The following SKAP1 variants were observed in gnomAD, a reference collection of about 807,000 sequenced individuals.
SKAP1 encodes src kinase-associated phosphoprotein 1.
In SKAP1, 44 loss-of-function variants were observed where a neutral mutation model predicts 58.5. The observed-to-expected ratio is 0.75, with a 90% confidence interval of 0.59 to 0.97. The LOEUF (loss-of-function observed/expected upper bound fraction) is 0.97. Among genes scored for constraint, SKAP1 ranks in the 50% least tolerant of loss-of-function variants. The pLI, the probability that SKAP1 is intolerant of heterozygous loss-of-function variation, is 0.00. For synonymous variants in SKAP1, 127 were observed against 149.7 expected (o/e 0.85, Z 1.11); for missense variants, 390 against 435.2 (o/e 0.90, Z 0.92).
intron 2 of SKAP1, among the ~76,000 whole-genome samples, chr17:48,378,956 G>C (rs921874604): frequency 6.6e-6 from 1 of 152,174 alleles, no homozygotes; most frequent in Non-Finnish European, 1.5e-5. Flanking sequence ...GGCACTTCCA[G>C]GCAATGCTAT....
chr17:48,208,568 T>C (rs1441940988), intron 4 of SKAP1, among the ~76,000 whole-genome samples: 1 of 152,150 alleles, frequency 6.6e-6, no homozygotes, highest in Non-Finnish European at 1.5e-5. Flanking sequence ...GTATATAAAA[T>C]GAAGTATGAA....
At chr17:48,270,164 CAT>C (rs2065609332) in intron 4 of SKAP1, among the ~76,000 whole-genome samples, 1 of 152,040 alleles carries the variant, frequency 6.6e-6, no homozygotes, top group Non-Finnish European at 1.5e-5. Flanking sequence ...ATATGAAAAA[CAT>C]AGTGAAATTT....
At chr17:48,283,687 G>A (rs1256428719) in intron 4 of SKAP1, among the ~76,000 whole-genome samples, 2 of 152,174 alleles carry the variant, frequency 1.3e-5, no homozygotes, top group Non-Finnish European at 2.9e-5. Context: ...TGAAGTGAGC[G>A]ACGGCTGGAT....
intron 1 of SKAP1, among the ~76,000 whole-genome samples, chr17:48,397,871 G>T (rs923878560): frequency 5.6e-5 from 7 of 125,978 alleles, no homozygotes; most frequent in African/African-American, 1.4e-4. Flanking sequence ...AATTGCAGAG[G>T]GGGGGTGGTT....
intron 4 of SKAP1, among the ~76,000 whole-genome samples, chr17:48,242,560 A>G (rs1221577028): frequency 6.6e-6 from 1 of 152,226 alleles, no homozygotes; most frequent in Non-Finnish European, 1.5e-5. Context: ...CATGAAACCC[A>G]TTAACAATTT....
intron 4 of SKAP1, among the ~76,000 whole-genome samples, chr17:48,264,053 C>CTT (rs35674731): frequency 1.4e-5 from 2 of 144,714 alleles, no homozygotes; most frequent in African/African-American, 5.0e-5. Context: ...GAGACATCAG[C>CTT]TTTTTTTTTT....
At chr17:48,260,371 A>G (rs1243645014) in intron 4 of SKAP1, among the ~76,000 whole-genome samples, 2 of 152,190 alleles carry the variant, frequency 1.3e-5, no homozygotes, top group Non-Finnish European at 1.5e-5. Flanking sequence ...CCATCAAAAA[A>G]TTGTGTACAA....
chr17:48,398,792 C>G (rs759029861), intron 1 of SKAP1, among the ~76,000 whole-genome samples: 4 of 152,066 alleles, frequency 2.6e-5, no homozygotes, highest in African/African-American at 9.7e-5. Context: ...GAGGCCAAGG[C>G]GGGCGGATCA....
chr17:48,139,569 T>C (rs941742732), intron 11 of SKAP1, among the ~76,000 whole-genome samples: 3 of 152,214 alleles, frequency 2.0e-5, no homozygotes, highest in African/African-American at 7.2e-5. Flanking sequence ...CTTTGTACAC[T>C]TGGTTGCTGA....
At chr17:48,246,875 TG>T (rs2065302932) in intron 4 of SKAP1, among the ~76,000 whole-genome samples, 1 of 152,248 alleles carries the variant, frequency 6.6e-6, no homozygotes, top group African/African-American at 2.4e-5. Context: ...TTGACACCTC[TG>T]TCTATCCCTG....
intron 1 of SKAP1, among the ~76,000 whole-genome samples, chr17:48,407,547 A>G (rs1464138419): frequency 6.6e-6 from 1 of 152,106 alleles, no homozygotes; most frequent in Non-Finnish European, 1.5e-5. Flanking sequence ...TAGTGGGTAA[A>G]AATCATAAGC....
At chr17:48,383,146 C>A (rs1250941170) in intron 2 of SKAP1, among the ~76,000 whole-genome samples, 1 of 152,154 alleles carries the variant, frequency 6.6e-6, no homozygotes, top group East Asian at 1.9e-4. Flanking sequence ...TAATCCTCAC[C>A]CGGCTTTTAG....
Position 48,213,812 on chromosome 17 carries a change from C to T in SKAP1, c.281-24312G>A, listed in dbSNP as rs534611198. On this transcript the variant is annotated intron_variant, in intron 4 of 12. Transcript: ENST00000336915. ...ACCACAGAGGAAGACTTTTTTCCCTCTTATCAAAATCTGTCAGTCTATCCA... is the reference window on the plus strand; with the variant it reads ...ACCACAGAGGAAGACTTTTTTCCCTTTTATCAAAATCTGTCAGTCTATCCA... Among the ~76,000 whole-genome samples, 5 of 152,270 alleles carry T rather than the reference C, an allele frequency of 3.3e-5. No homozygotes were observed. The South Asian group carries it at 1.0e-3, about 32-fold the overall frequency.
At chr17:48,307,644 C>T (rs2066164723) in intron 4 of SKAP1, 1 of 152,144 alleles carries the variant, frequency 6.6e-6, no homozygotes. Context: ...TTTTTCTGTG[C>T]TTTAGAAAAC....
At chr17:48,316,450 C>T (rs895989705) in intron 4 of SKAP1, among the ~76,000 whole-genome samples, 1 of 152,190 alleles carries the variant, frequency 6.6e-6, no homozygotes, top group Non-Finnish European at 1.5e-5. Context: ...TCAGAGGCCT[C>T]CTCTGATCAC....
At chr17:48,185,028 T>C (rs933506620) in intron 6 of SKAP1, 181 bp from the exon 7 acceptor site, 3 of 569,766 alleles carry the variant, frequency 5.3e-6, no homozygotes, top group Middle Eastern at 4.6e-4. Flanking sequence ...AAGGCAGATA[T>C]CACTGCCAAG....
chr17:48,430,418 C>T (rs2067904943), upstream of SKAP1: 1 of 200,908 alleles, frequency 5.0e-6, no homozygotes, highest in African/African-American at 2.3e-5. Context: ...AAAGGTGCGC[C>T]CCTCCAGCAC....
At chr17:48,150,852 C>G (rs1008896145) in intron 11 of SKAP1, among the ~76,000 whole-genome samples, 3 of 152,196 alleles carry the variant, frequency 2.0e-5, no homozygotes, top group South Asian at 2.1e-4. Context: ...ACGGTTTGCT[C>G]TTTTCCCTAC....
intron 4 of SKAP1, among the ~76,000 whole-genome samples, chr17:48,252,417 A>G (rs1030061875): frequency 1.3e-5 from 2 of 152,206 alleles, no homozygotes; most frequent in Non-Finnish European, 2.9e-5. Context: ...TAGCAGCTCT[A>G]TAGAATTTTC....
Sources: gnomAD v4.1 joint callset for allele counts (sites outside exome capture counted in the v4.1 genomes callset) on GRCh38, gnomAD v4.1.1 for gene constraint, MANE v1.5 for transcripts, NCBI Gene and HGNC (gene_info 2026-07-23, HGNC 2026-07-21) for gene names.